The following PPARA variants were observed in gnomAD, a reference collection of about 807,000 sequenced individuals.
The protein encoded by PPARA is peroxisome proliferator activated receptor alpha.
PPARA carries 22 observed loss-of-function variants against 42.2 expected under a neutral mutation model. The observed-to-expected ratio is 0.52, with a 90% CI of 0.37 to 0.74. The LOEUF is 0.74. Among genes scored for constraint, PPARA ranks in the 30% least tolerant of loss-of-function variants. The pLI, the probability that PPARA is intolerant of heterozygous loss-of-function variation, is 0.00. For missense variants in PPARA, 465 were observed against 608.2 expected (o/e 0.76, Z 2.48); for synonymous variants, 242 against 239.3 (o/e 1.01, Z -0.10).
At chr22:46,170,402 ATTTTTTTTTT>A (rs935185946) in intron 2 of PPARA, among the ~76,000 whole-genome samples, 5 of 64,206 alleles carry the variant, frequency 7.8e-5, no homozygotes, top group African/African-American at 1.7e-4. Context: ...CACCCAGCTA[ATTTTTTTTTT>A]TTTTTTTTTT....
intron 2 of PPARA, among the ~76,000 whole-genome samples, chr22:46,168,351 CAAAAAAAAAAAA>C (rs35345592): frequency 7.0e-5 from 1 of 14,382 alleles, no homozygotes; most frequent in East Asian, 3.9e-3. Flanking sequence ...GACTCCATCT[CAAAAAAAAAAAA>C]AAAAAAAAAA....
At position 46,182,659 on chromosome 22, in the gene PPARA, C is replaced by CA. The variant is rs1354461554; in HGVS notation, c.-43+5829dup. On this transcript the variant is annotated intron_variant, in intron 3 of 8. Transcript: ENST00000407236. The surrounding 1 kb of genome is among the most constrained non-coding windows in gnomAD (Gnocchi z 5.2). Reference sequence around the variant, plus strand: ...TGGTTTCACAGGTTGATACATACGGCAAAAAATACCAAATTTGTACACTTT... The same window carrying CA: ...TGGTTTCACAGGTTGATACATACGGCAAAAAAATACCAAATTTGTACACTTT... Among the ~76,000 whole-genome samples, 1 of 152,026 alleles carries CA rather than the reference C, an allele frequency of 6.6e-6. No individual in the cohort carries two copies. The highest frequency in any genetic ancestry group is 2.4e-5 in the African/African-American group (1 of 41,404).
rs565315300 is a variant in PPARA, at chr22:46,243,680, G to C, written c.*8300G>C. 1 of 152,514 alleles carries C rather than the reference G, an allele frequency of 6.6e-6. No homozygotes were observed. Among genetic ancestry groups the C allele is most frequent in the Admixed American group, 6.5e-5 (1 of 15,280 alleles). 9.4% of individuals were successfully genotyped at this position (152,514 alleles called of 1,614,324 possible). ...GTTTGGGATGTCCTACTGTAAGACT[G>C]ATGAATGTACAGAGTTAATTTCAGG... On this transcript the variant is annotated 3_prime_UTR_variant, in exon 9 of 9. Coordinates refer to ENST00000407236, the MANE Select transcript of PPARA (RefSeq NM_005036.6). The surrounding 1 kb of genome is among the most constrained non-coding windows in gnomAD (Gnocchi z 5.0).
In PPARA at chr22:46,240,097, G is replaced by A. The variant is rs1936333211; in HGVS notation, c.*4717G>A. Reference sequence around the variant, plus strand: ...GCTTCCTGGGGCCTGGGGAAAGCTGGCCACCTTCAACAGCTGGTACCTCTT... The same window carrying A: ...GCTTCCTGGGGCCTGGGGAAAGCTGACCACCTTCAACAGCTGGTACCTCTT... On this transcript the variant is annotated 3_prime_UTR_variant, in exon 9 of 9. Coordinates refer to ENST00000407236, the MANE Select transcript of PPARA (RefSeq NM_005036.6). This position sits in a 1 kb window ranked among gnomAD's most constrained non-coding sequence, Gnocchi z 6.0. 5.0e-6 allele frequency: 2 copies of A among 398,794 alleles called. No individual in the cohort carries two copies. The highest frequency in any genetic ancestry group is 4.1e-5 in the African/African-American group (2 of 48,604). 24.7% of individuals were successfully genotyped at this position (398,794 alleles called of 1,614,324 possible).
intron 7 of PPARA, chr22:46,220,266 C>A: frequency 1.9e-6 from 1 of 520,930 alleles, no homozygotes. Flanking sequence ...AATTAATACA[C>A]TTAAAAAAAA....
intron 4 of PPARA, among the ~76,000 whole-genome samples, chr22:46,208,964 T>C (rs1194381159): frequency 6.6e-6 from 1 of 152,040 alleles, no homozygotes; most frequent in African/African-American, 2.4e-5. Flanking sequence ...CTTCGTTCAT[T>C]AATGATCATT....
Position 46,161,814 on chromosome 22 carries a change from C to T in PPARA, c.-127+9844C>T, listed in dbSNP as rs1269455340. On this transcript the variant is annotated intron_variant, in intron 2 of 8. Coordinates refer to ENST00000407236, the MANE Select transcript of PPARA (RefSeq NM_005036.6). The surrounding 1 kb of genome is among the most constrained non-coding windows in gnomAD (Gnocchi z 4.8). ...GAGCCCTCAGTGGCGTTCCCTTTTC[C>T]GCGCTAGCGTTTGGTCCCTGCGCTT... Among the ~76,000 whole-genome samples the T allele has an allele frequency of 2.0e-5, 3 of 152,164 alleles. No homozygotes were observed. The highest frequency in any genetic ancestry group is 2.9e-5 in the Non-Finnish European group (2 of 68,034).
In PPARA at chr22:46,196,684, G is replaced by A. The variant is rs1200250633; in HGVS notation, c.-42-1658G>A. ...TTCACCATCTGTGTCCCAGTTACAA[G>A]GGAGGCTCCCTGAGAGCAGGGATCT... On this transcript the variant is annotated intron_variant, in intron 3 of 8. Transcript: ENST00000407236. This position sits in a 1 kb window ranked among gnomAD's most constrained non-coding sequence, Gnocchi z 5.6. Among the ~76,000 whole-genome samples, 1 of 152,192 alleles carries A rather than the reference G, an allele frequency of 6.6e-6. No homozygotes were observed.
At chr22:46,177,463 C>CA (rs34148860) in intron 3 of PPARA, among the ~76,000 whole-genome samples, 1,531 of 86,280 alleles carry the variant, frequency 0.018, 16 homozygotes, top group East Asian at 0.031. Flanking sequence ...GACTCCATCT[C>CA]AAAAAAAAAA....
chr22:46,181,614 G>T (rs61008984), intron 3 of PPARA, among the ~76,000 whole-genome samples: 13,033 of 152,206 alleles, frequency 0.086, 1,256 homozygotes, highest in African/African-American at 0.24. Context: ...AGGGTTCTGT[G>T]TGAAGTGGAA....
Position 46,224,134 on chromosome 22 carries a change from C to T in PPARA, c.711+4120C>T, listed in dbSNP as rs1352693783. On this transcript the variant is annotated intron_variant, in intron 7 of 8. Coordinates refer to ENST00000407236, the MANE Select transcript of PPARA (RefSeq NM_005036.6). The surrounding 1 kb of genome is among the most constrained non-coding windows in gnomAD (Gnocchi z 5.7). The stretch of plus-strand genomic sequence containing the variant: ...AAGGCAACCTCCAACCATCATGTGA[C>T]TCTTTGTGTTTGATCACACTGTTTG... Among the ~76,000 whole-genome samples, 5 of 152,206 alleles carry T rather than the reference C, an allele frequency of 3.3e-5. No individual in the cohort carries two copies. Among genetic ancestry groups the T allele is most frequent in the Non-Finnish European group, 7.3e-5 (5 of 68,038 alleles).
rs1934844791 is a variant in PPARA at position 46,219,767 on chromosome 22, C to G, written c.509-45C>G. Reference sequence around the variant, plus strand: ...CCTCGTCCAGCCCTGTCCGCGCAGTCATGACCTCACTGCTCATGCCTGTGT... The same window carrying G: ...CCTCGTCCAGCCCTGTCCGCGCAGTGATGACCTCACTGCTCATGCCTGTGT... On this transcript the variant is annotated intron_variant, in intron 6 of 8. Coordinates refer to ENST00000407236, the MANE Select transcript of PPARA (RefSeq NM_005036.6). This position sits in a 1 kb window ranked among gnomAD's most constrained non-coding sequence, Gnocchi z 4.8. 2 of 1,597,222 alleles carry G rather than the reference C, an allele frequency of 1.3e-6. No individual in the cohort carries two copies. The highest frequency in any genetic ancestry group is 1.1e-5 in the South Asian group (1 of 90,390).
chr22:46,178,987 C>A (rs1929565076), intron 3 of PPARA, among the ~76,000 whole-genome samples: 1 of 152,034 alleles, frequency 6.6e-6, no homozygotes, highest in Admixed American at 6.6e-5. Flanking sequence ...AGGTATGTAC[C>A]CAGTGAGTCC....
intron 3 of PPARA, among the ~76,000 whole-genome samples, chr22:46,179,743 G>T (rs1022407543): frequency 2.0e-5 from 3 of 151,794 alleles, no homozygotes; most frequent in Admixed American, 2.0e-4. Flanking sequence ...AACTTTTACT[G>T]TTCAAAAGAC....
intron 7 of PPARA, among the ~76,000 whole-genome samples, chr22:46,223,146 ACT>A (rs1169429061): frequency 1.3e-5 from 2 of 151,860 alleles, no homozygotes; most frequent in Non-Finnish European, 2.9e-5. Context: ...ACAAAGCGAG[ACT>A]CTCTAAAAAA....
rs1926553610 is a variant in PPARA at position 46,163,609 on chromosome 22, T to A, written c.-127+11639T>A. 6.6e-6 allele frequency: 1 copy of A among 152,242 alleles called. No individual in the cohort carries two copies. Among genetic ancestry groups the A allele is most frequent in the African/African-American group, 2.4e-5 (1 of 41,462 alleles). The allele number at this position is 152,242 out of a possible 1,614,324, so 9.4% of individuals were successfully genotyped here. Reference sequence around the variant, plus strand: ...TTCCCTAGACAAATGCAGGCCTTTCTCGAAGCCCCTTTCCCAGGACGACGT... The same window carrying A: ...TTCCCTAGACAAATGCAGGCCTTTCACGAAGCCCCTTTCCCAGGACGACGT... On this transcript the variant is annotated intron_variant, in intron 2 of 8. Coordinates refer to ENST00000407236, the MANE Select transcript of PPARA (RefSeq NM_005036.6). The surrounding 1 kb of genome is among the most constrained non-coding windows in gnomAD (Gnocchi z 4.9).
chr22:46,163,059 C>G lies in PPARA; in HGVS notation c.-127+11089C>G, dbSNP rs888746252. Among the ~76,000 whole-genome samples the G allele has an allele frequency of 6.6e-6, 1 of 152,096 alleles. No homozygotes were observed. The highest frequency in any genetic ancestry group is 1.5e-5 in the Non-Finnish European group (1 of 68,040). On this transcript the variant is annotated intron_variant, in intron 2 of 8. Coordinates refer to ENST00000407236, the MANE Select transcript of PPARA (RefSeq NM_005036.6). This position sits in a 1 kb window ranked among gnomAD's most constrained non-coding sequence, Gnocchi z 4.9. ...AGACTCCCAGCTTCAAGGAGAGGCA[C>G]GGAGGGAAACTGAGAGCAGCCTGCA...
At position 46,185,895 on chromosome 22, in the gene PPARA, CAAAA is replaced by C. The variant is rs1162861606; in HGVS notation, c.-43+9078_-43+9081del. On this transcript the variant is annotated intron_variant, in intron 3 of 8. Transcript: ENST00000407236. ...GGGTGACAAAGTGAGACTCCGTCTCCAAAAAAAAAAAAAAAAAAAAAATATATAT... is the reference window on the plus strand; with the variant it reads ...GGGTGACAAAGTGAGACTCCGTCTCCAAAAAAAAAAAAAAAAAATATATAT... Among the ~76,000 whole-genome samples, 187 of 19,606 alleles carry C rather than the reference CAAAA, an allele frequency of 9.5e-3. 4 individuals carry two copies. Among genetic ancestry groups the C allele is most frequent in the African/African-American group, 0.011 (65 of 5,814 alleles). 12.9% of individuals were successfully genotyped at this position (19,606 alleles called of 152,430 possible).
Position 46,163,795 on chromosome 22 carries a change from C to T in PPARA, c.-127+11825C>T, listed in dbSNP as rs1258492896. The T allele has an allele frequency of 1.3e-5, 2 of 152,274 alleles. No homozygotes were observed. The highest frequency in any genetic ancestry group is 2.9e-5 in the Non-Finnish European group (2 of 68,066). 9.4% of individuals were successfully genotyped at this position (152,274 alleles called of 1,614,324 possible). On this transcript the variant is annotated intron_variant, in intron 2 of 8. Coordinates refer to ENST00000407236, the MANE Select transcript of PPARA (RefSeq NM_005036.6). The surrounding 1 kb of genome is among the most constrained non-coding windows in gnomAD (Gnocchi z 4.9). ...GATGTCCTTGGAGAAGTCGCCCACA[C>T]TGCTTTCCCCCATGGGAGTGACAAG...
Sources: allele counts gnomAD v4.1 joint callset (sites outside exome capture counted in the v4.1 genomes callset), GRCh38; gene constraint gnomAD v4.1.1; non-coding constraint Gnocchi (gnomAD v3.1); transcripts MANE v1.5; gene names NCBI Gene and HGNC (gene_info 2026-07-23, HGNC 2026-07-21).